Variants in ARF4 observed in about 807,000 individuals in gnomAD.
ARF4 encodes ADP-ribosylation factor 4.
ARF4 carries 5 observed loss-of-function variants against 24.3 expected under a neutral mutation model. That is an observed-to-expected ratio of 0.21 (90% CI 0.11 to 0.43). The LOEUF (loss-of-function observed/expected upper bound fraction) is 0.43, where lower values mean the gene tolerates loss of function less well. Ranked by LOEUF, ARF4 falls within the 20% of genes least tolerant of loss-of-function variation. The probability of loss-of-function intolerance (pLI) is 1.00; values close to 1 mark genes in which losing one functional copy is unlikely to be tolerated. For synonymous variants in ARF4, 62 were observed against 73.5 expected (o/e 0.84, Z 0.80); for missense variants, 107 against 213.0 (o/e 0.50, Z 3.10).
rs777834179 is a variant in ARF4, at chr3:57,584,026, AT to A, written c.149-20del. On this transcript the variant is annotated intron_variant, in intron 2 of 5. Transcript: ENST00000303436. ...TTAAAACCTACAAAGAAAAACAAAA[AT>A]GACCGCTGTGCAGCGTCATTAAGAA... The A allele has an allele frequency of 1.3e-6, 2 of 1,493,746 alleles. No homozygotes were observed. The highest frequency in any genetic ancestry group is 2.3e-5 in the South Asian group (2 of 87,260). The allele number at this position is 1,493,746 out of a possible 1,614,324, so 92.5% of individuals were successfully genotyped here. A position where few individuals can be genotyped will look rare whatever the true frequency, so the allele number is the denominator to read the frequency against.
intron 3 of ARF4, among the ~76,000 whole-genome samples, chr3:57,579,728 G>A (rs1197789933): frequency 6.6e-6 from 1 of 152,062 alleles, no homozygotes; most frequent in African/African-American, 2.4e-5. Flanking sequence ...CTTTATCTCT[G>A]TTGGAAACCA....
At chr3:57,580,284 G>C (rs72872581) in intron 3 of ARF4, among the ~76,000 whole-genome samples, 2,414 of 152,110 alleles carry the variant, frequency 0.016, 61 homozygotes, top group African/African-American at 0.055. Context: ...CAATCACAGA[G>C]ATATAAAAGA....
Position 57,575,563 on chromosome 3 carries a change from A to G in ARF4, c.441T>C (p.Ser147=). 2.5e-6 allele frequency: 4 copies of G among 1,612,782 alleles called. No homozygotes were observed. Among genetic ancestry groups the G allele is most frequent in the Non-Finnish European group, 3.4e-6 (4 of 1,179,642 alleles). The part of the protein sequence containing the change: ...SEMTDKLGLQ[S]LRNRTWYVQA... ...AAATACTTACTGTTCTGTTACGAAG[A>G]GACTGAAGCCCTAGTTTATCTGTCA... The change falls in exon 5 of 6, where the codon TCT becomes TCC. Residue 147 remains serine, a synonymous_variant. Coordinates refer to ENST00000303436, the MANE Select transcript of ARF4 (RefSeq NM_001660.4).
intron 5 of ARF4, among the ~76,000 whole-genome samples, chr3:57,573,566 T>C (rs1444863771): frequency 2.0e-5 from 3 of 152,190 alleles, no homozygotes; most frequent in African/African-American, 4.8e-5. Flanking sequence ...TTAGTGTTGC[T>C]TGCTTATTTA....
chr3:57,578,891 G>GT (rs543593759), intron 3 of ARF4, among the ~76,000 whole-genome samples: 11 of 95,990 alleles, frequency 1.1e-4, no homozygotes, highest in Admixed American at 1.0e-3. Flanking sequence ...AGCTAGAAAA[G>GT]GGGGGGGGCA....
intron 1 of ARF4, among the ~76,000 whole-genome samples, chr3:57,590,372 G>C (rs2070097714): frequency 6.6e-6 from 1 of 151,396 alleles, no homozygotes; most frequent in Admixed American, 6.6e-5. Context: ...TGTAATCCCA[G>C]CTACTTGGGA....
chr3:57,589,591 G>A (rs1027960849), intron 1 of ARF4, among the ~76,000 whole-genome samples: 13 of 149,800 alleles, frequency 8.7e-5, no homozygotes, highest in East Asian at 6.0e-4. Context: ...GGTGGCTGGC[G>A]CCTGTAAACC....
intron 1 of ARF4, among the ~76,000 whole-genome samples, chr3:57,593,518 G>A (rs1275206511): frequency 6.6e-6 from 1 of 152,056 alleles, no homozygotes; most frequent in Non-Finnish European, 1.5e-5. Flanking sequence ...AGACAATACA[G>A]AACTACACTG....
At chr3:57,576,546 C>T (rs1166417092) in intron 4 of ARF4, among the ~76,000 whole-genome samples, 1 of 127,810 alleles carries the variant, frequency 7.8e-6, no homozygotes, top group Non-Finnish European at 1.6e-5. Context: ...AAGCTGGTGA[C>T]ATTTGACTCA....
intron 5 of ARF4, 99 bp downstream of exon 5, chr3:57,575,449 C>T: frequency 8.2e-7 from 1 of 1,223,840 alleles, no homozygotes; most frequent in Non-Finnish European, 1.1e-6. Flanking sequence ...ATTATTTGTC[C>T]AAAGGAGATA....
intron 1 of ARF4, among the ~76,000 whole-genome samples, chr3:57,596,131 T>C (rs930564406): frequency 3.3e-5 from 5 of 152,158 alleles, no homozygotes; most frequent in African/African-American, 4.8e-5. Flanking sequence ...TTCAGCCAAC[T>C]GACAGCCCTT....
chr3:57,596,583 T>C (rs1465708415), intron 1 of ARF4: 3 of 153,092 alleles, frequency 2.0e-5, no homozygotes, highest in African/African-American at 7.2e-5. Flanking sequence ...CCCGGGCGGC[T>C]CCAGGCTCCG....
chr3:57,572,221 T>G lies in ARF4; in HGVS notation c.534A>C (p.Ser178=). 6.2e-7 allele frequency: 1 copy of G among 1,613,876 alleles called. No homozygotes were observed. Among genetic ancestry groups the G allele is most frequent in the Non-Finnish European group, 8.5e-7 (1 of 1,179,756 alleles). Residue 178 remains serine, a synonymous_variant, in exon 6 of 6, where the codon TCA becomes TCC. Coordinates refer to ENST00000303436, the MANE Select transcript of ARF4 (RefSeq NM_001660.4). ...AGATATCCAATTTCATTTAACGTTT[T>G]GAAAGCTCATTTGACAGCCAGTCAA... ...EGLDWLSNEL[S]KR
chr3:57,584,021 C>A lies in ARF4; in HGVS notation c.149-14G>T. On this transcript the variant is annotated splice_polypyrimidine_tract_variant and intron_variant, in intron 2 of 5. Coordinates refer to ENST00000303436, the MANE Select transcript of ARF4 (RefSeq NM_001660.4). ...CCACATTAAAACCTACAAAGAAAAA[C>A]AAAAATGACCGCTGTGCAGCGTCAT... is the stretch of plus-strand genomic sequence containing the variant. 1 of 1,523,732 alleles carries A rather than the reference C, an allele frequency of 6.6e-7. No individual in the cohort carries two copies. The highest frequency in any genetic ancestry group is 1.7e-5 in the Admixed American group (1 of 58,366). The allele number at this position is 1,523,732 out of a possible 1,614,324, so 94.4% of individuals were successfully genotyped here.
intron 3 of ARF4, among the ~76,000 whole-genome samples, chr3:57,578,830 T>C (rs1322151042): frequency 6.6e-6 from 1 of 151,348 alleles, no homozygotes; most frequent in African/African-American, 2.4e-5. Flanking sequence ...AGGAAGCAAC[T>C]AGTTGAACTG....
intron 1 of ARF4, among the ~76,000 whole-genome samples, chr3:57,586,340 G>C (rs2070036434): frequency 6.6e-6 from 1 of 152,140 alleles, no homozygotes; most frequent in Non-Finnish European, 1.5e-5. Flanking sequence ...ATGCTAGTAA[G>C]TTAAAAAAGA....
chr3:57,595,847 A>T (rs948985375), intron 1 of ARF4, among the ~76,000 whole-genome samples: 1 of 152,048 alleles, frequency 6.6e-6, no homozygotes, highest in African/African-American at 2.4e-5. Flanking sequence ...GCTACTCGGG[A>T]GGCTGAGGCA....
chr3:57,583,629 G>A (rs966033368), intron 3 of ARF4, among the ~76,000 whole-genome samples: 5 of 151,956 alleles, frequency 3.3e-5, no homozygotes, highest in East Asian at 1.9e-4. Context: ...AAAGAACTAC[G>A]GATAAGAGAC....
At chr3:57,588,371 C>A (rs1433454055) in intron 1 of ARF4, among the ~76,000 whole-genome samples, 6 of 152,040 alleles carry the variant, frequency 3.9e-5, no homozygotes. Context: ...TTGAAACCAG[C>A]CTGGTCAACA....
Sources: gnomAD v4.1 joint callset for allele counts (sites outside exome capture counted in the v4.1 genomes callset) on GRCh38, gnomAD v4.1.1 for gene constraint, MANE v1.5 for transcripts, NCBI Gene and HGNC (gene_info 2026-07-23, HGNC 2026-07-21) for gene names.